Variants in NMUR2 observed in about 807,000 individuals in gnomAD.
NMUR2 encodes neuromedin-U receptor 2.
NMUR2 carries 24 observed loss-of-function variants against 25.1 expected under a neutral mutation model. The ratio of observed to expected loss-of-function variants is 0.96; its 90% CI spans 0.69 to 1.34. NMUR2 has a LOEUF of 1.34. Among genes scored for constraint, NMUR2 ranks in the 40% most tolerant of loss-of-function variants. The pLI is 0.00. For synonymous variants in NMUR2, 218 were observed against 208.1 expected (o/e 1.05, Z -0.41); for missense variants, 533 against 512.8 (o/e 1.04, Z -0.38).
In NMUR2 at chr5:152,392,123, A is replaced by G. The variant is rs1426782328; in HGVS notation, c.*68T>C. ...TCTACCTCTCTAATATCATATGAGA[A>G]GGCATACATTATGGGATGTTCCTCT... On this transcript the variant is annotated 3_prime_UTR_variant, in exon 4 of 4. Coordinates refer to ENST00000255262, the MANE Select transcript of NMUR2 (RefSeq NM_020167.5). The G allele has an allele frequency of 2.4e-6, 3 of 1,271,818 alleles. No individual in the cohort carries two copies. In the African/African-American group the frequency reaches 4.5e-5, roughly 19 times the overall value. The allele number at this position is 1,271,818 out of a possible 1,614,324, so 78.8% of individuals were successfully genotyped here. A position where few individuals can be genotyped will look rare whatever the true frequency, so the allele number is the denominator to read the frequency against.
At position 152,404,563 on chromosome 5, in the gene NMUR2, A is replaced by G; in HGVS notation, c.551T>C (p.Ile184Thr). The G allele has an allele frequency of 6.2e-7, 1 of 1,614,080 alleles. No individual in the cohort carries two copies. The highest frequency in any genetic ancestry group is 8.5e-7 in the Non-Finnish European group (1 of 1,180,006). ...GAAGTAGTGGAACTTGATGCCATGG[A>G]TGCTGGTGTTGGGCAGGGAGAAGAG... ...SVLFSLPNTS[I>T]HGIKFHYFPN... The change falls in exon 1 of 4, where the codon ATC becomes ACC. Residue 184 changes from isoleucine (I) to threonine (T), a missense_variant. Ile to Thr is a moderately conservative substitution (Grantham distance 89). Transcript: ENST00000255262.
chr5:152,399,564 CA>C (rs1473518263), intron 1 of NMUR2, among the ~76,000 whole-genome samples: 3 of 151,798 alleles, frequency 2.0e-5, no homozygotes, highest in Non-Finnish European at 2.9e-5. Context: ...TTTTCCACCA[CA>C]AAGAAAAAAT....
In NMUR2 at chr5:152,400,143, C is replaced by G. The variant is rs190788238; in HGVS notation, c.727-1999G>C. On this transcript the variant is annotated intron_variant, in intron 1 of 3. Transcript: ENST00000255262. The stretch of plus-strand genomic sequence containing the variant: ...GCTTGCAGTTAGGTAGCACTCAGGA[C>G]CACATAGGACCTCAAGAATCCTCTT... Among the ~76,000 whole-genome samples the G allele has an allele frequency of 4.6e-5, 7 of 152,194 alleles. 1 individual carries two copies. In the East Asian group the frequency reaches 1.4e-3, roughly 29 times the overall value.
intron 3 of NMUR2, 77 bp downstream of exon 3, chr5:152,395,382 A>T: frequency 6.6e-7 from 1 of 1,512,184 alleles, no homozygotes; most frequent in Non-Finnish European, 9.1e-7. Flanking sequence ...TGGAGTACTT[A>T]GGCATCTAAG....
chr5:152,404,517 T>C lies in NMUR2; in HGVS notation c.597A>G (p.Pro199=), dbSNP rs1164888171. The change falls in exon 1 of 4, where the codon CCA becomes CCG. Residue 199 remains proline (P), a synonymous_variant. Coordinates refer to ENST00000255262, the MANE Select transcript of NMUR2 (RefSeq NM_020167.5). The stretch of plus-strand genomic sequence containing the variant: ...TGATGACCGTACAGGTGGCCGAACC[T>C]GGGACCAGGGACCCATTGGGGAAGT... ...FHYFPNGSLV[P]GSATCTVIKP... 6.2e-7 allele frequency: 1 copy of C among 1,613,996 alleles called. No homozygotes were observed. The highest frequency in any genetic ancestry group is 1.3e-5 in the African/African-American group (1 of 74,906).
chr5:152,399,983 G>A (rs1204522937), intron 1 of NMUR2, among the ~76,000 whole-genome samples: 3 of 152,108 alleles, frequency 2.0e-5, no homozygotes, highest in African/African-American at 7.2e-5. Context: ...TAATCGTCCT[G>A]GGCTGGATAG....
Position 152,392,023 on chromosome 5 carries a change from C to A in NMUR2, c.*168G>T. On this transcript the variant is annotated 3_prime_UTR_variant, in exon 4 of 4. Transcript: ENST00000255262. ...ATCAGGCAGTCTTGGGTTTTGAAACCAGATCTAACTCTCAGTTTTCACGTT... is the reference window on the plus strand; with the variant it reads ...ATCAGGCAGTCTTGGGTTTTGAAACAAGATCTAACTCTCAGTTTTCACGTT... 1.7e-6 allele frequency: 1 copy of A among 590,556 alleles called. No individual in the cohort carries two copies. Among genetic ancestry groups the A allele is most frequent in the Non-Finnish European group, 2.9e-6 (1 of 343,842 alleles). 36.6% of individuals were successfully genotyped at this position (590,556 alleles called of 1,614,324 possible). A position where few individuals can be genotyped will look rare whatever the true frequency, so the allele number is the denominator to read the frequency against.
At chr5:152,404,266 T>A (rs1753308391) in intron 1 of NMUR2, 122 bp downstream of exon 1, 3 of 1,199,362 alleles carry the variant, frequency 2.5e-6, no homozygotes, top group African/African-American at 3.1e-5. Context: ...TCTGAGCTCA[T>A]TCTATTTTCC....
chr5:152,404,689 A>G lies in NMUR2; in HGVS notation c.425T>C (p.Val142Ala). ...ASILSITTVS[V>A]ERYVAILHPF... is the part of the protein sequence containing the mutation. ...GTGTAGGATGGCCACGTAGCGCTCC[A>G]CGCTGACGGTGGTGATGCTGAGGAT... is the stretch of plus-strand genomic sequence containing the variant. The change falls in exon 1 of 4, where the codon GTG (valine) becomes GCG (alanine). Residue 142 changes from valine (V) to alanine (A), a missense_variant. Val to Ala is a moderately conservative substitution (Grantham distance 64, BLOSUM62 0). Transcript: ENST00000255262. 1 of 1,614,134 alleles carries G rather than the reference A, an allele frequency of 6.2e-7. No individual in the cohort carries two copies. The highest frequency in any genetic ancestry group is 8.5e-7 in the Non-Finnish European group (1 of 1,180,032).
chr5:152,396,651 CA>C (rs1233870779), intron 2 of NMUR2, among the ~76,000 whole-genome samples: 1 of 152,040 alleles, frequency 6.6e-6, no homozygotes, highest in Non-Finnish European at 1.5e-5. Context: ...CCTATAATCC[CA>C]GCACTTTGGG....
rs760035886 is a variant in NMUR2 at position 152,392,445 on chromosome 5, G to A, written c.994C>T (p.Arg332Cys). The change falls in exon 4 of 4, where the codon CGC (arginine) becomes TGC (cysteine). Residue 332 changes from arginine to cysteine, a missense_variant. Physicochemically the swap from Arg to Cys is radical, Grantham distance 180. Transcript: ENST00000255262. ...VNPIIYNLLSRRFQAAFQNVI... is the reference protein window; with the variant it reads ...VNPIIYNLLSCRFQAAFQNVI... Reference sequence around the variant, plus strand: ...TTCTGGAATGCTGCCTGGAAGCGGCGAGACAGTAGGTTATAGATAATGGGG... The same window carrying A: ...TTCTGGAATGCTGCCTGGAAGCGGCAAGACAGTAGGTTATAGATAATGGGG... 14 of 1,613,988 alleles carry A rather than the reference G, an allele frequency of 8.7e-6. No homozygotes were observed. Among genetic ancestry groups the A allele is most frequent in the Middle Eastern group, 1.7e-4 (1 of 6,060 alleles).
intron 2 of NMUR2, among the ~76,000 whole-genome samples, chr5:152,395,939 G>C (rs1298932540): frequency 6.6e-6 from 1 of 151,980 alleles, no homozygotes; most frequent in African/African-American, 2.4e-5. Flanking sequence ...AATTCATCTT[G>C]TTGTTATAGG....
In NMUR2 at chr5:152,392,145, C is replaced by T. The variant is rs774263156; in HGVS notation, c.*46G>A. The T allele has an allele frequency of 6.7e-7, 1 of 1,486,880 alleles. No homozygotes were observed. The highest frequency in any genetic ancestry group is 1.2e-5 in the South Asian group (1 of 80,022). The allele number at this position is 1,486,880 out of a possible 1,614,324, so 92.1% of individuals were successfully genotyped here. On this transcript the variant is annotated 3_prime_UTR_variant, in exon 4 of 4. Coordinates refer to ENST00000255262, the MANE Select transcript of NMUR2 (RefSeq NM_020167.5). ...AGAAGGCATACATTATGGGATGTTC[C>T]TCTCTGAAGTTTTGAGGCATAGAGG...
At chr5:152,400,597 GA>G (rs1753235206) in intron 1 of NMUR2, among the ~76,000 whole-genome samples, 1 of 152,090 alleles carries the variant, frequency 6.6e-6, no homozygotes, top group Non-Finnish European at 1.5e-5. Flanking sequence ...ATGCTGAGAA[GA>G]AAAACACATT....
chr5:152,402,698 G>T lies in NMUR2; in HGVS notation c.726+1690C>A, dbSNP rs190453252. Among the ~76,000 whole-genome samples, 10 of 152,286 alleles carry T rather than the reference G, an allele frequency of 6.6e-5. No homozygotes were observed. In the East Asian group the frequency reaches 1.9e-3, roughly 29 times the overall value. ...CATTGGATGAGGTAATATTAAGTGG[G>T]TGGGTATTTCTCATAAGACTTTCTT... On this transcript the variant is annotated intron_variant, in intron 1 of 3. Coordinates refer to ENST00000255262, the MANE Select transcript of NMUR2 (RefSeq NM_020167.5).
At chr5:152,394,662 G>A (rs191143141) in intron 3 of NMUR2, among the ~76,000 whole-genome samples, 5 of 152,134 alleles carry the variant, frequency 3.3e-5, no homozygotes, top group Non-Finnish European at 4.4e-5. Flanking sequence ...AGTGCCTTAG[G>A]GCAAATCATT....
chr5:152,393,828 G>T (rs768797824), intron 3 of NMUR2, among the ~76,000 whole-genome samples: 1 of 152,154 alleles, frequency 6.6e-6, no homozygotes, highest in Non-Finnish European at 1.5e-5. Flanking sequence ...AGACAGGAGA[G>T]GGTGTTGCAG....
chr5:152,396,836 G>A (rs1308437128), intron 2 of NMUR2, among the ~76,000 whole-genome samples: 1 of 151,962 alleles, frequency 6.6e-6, no homozygotes. Flanking sequence ...AGGTTACAGT[G>A]AGCCGAGATG....
rs770676891 is a variant in NMUR2 at position 152,392,434 on chromosome 5, C to G, written c.1005G>C (p.Gln335His). Residue 335 changes from glutamine (Q) to histidine (H), a missense_variant, in exon 4 of 4, where the codon CAG becomes CAC. Physicochemically the swap from Gln to His is conservative, Grantham distance 24. Transcript: ENST00000255262. ...AAGAGATCACATTCTGGAATGCTGC[C>G]TGGAAGCGGCGAGACAGTAGGTTAT... Reference protein sequence around the residue: ...IIYNLLSRRFQAAFQNVISSF... With the variant: ...IIYNLLSRRFHAAFQNVISSF... The G allele has an allele frequency of 1.2e-6, 2 of 1,613,980 alleles. No individual in the cohort carries two copies. Among genetic ancestry groups the G allele is most frequent in the Non-Finnish European group, 1.7e-6 (2 of 1,179,952 alleles).
Sources: gnomAD v4.1 joint callset for allele counts (sites outside exome capture counted in the v4.1 genomes callset) on GRCh38, gnomAD v4.1.1 for gene constraint, MANE v1.5 for transcripts, NCBI Gene and HGNC (gene_info 2026-07-23, HGNC 2026-07-21) for gene names.